Variants in CTR9 observed in about 807,000 individuals in gnomAD.
CTR9 encodes RNA polymerase-associated protein CTR9 homolog.
Under a neutral mutation model 152.1 loss-of-function variants are expected in CTR9, and 41 were observed. The ratio of observed to expected loss-of-function variants is 0.27; its 90% CI spans 0.21 to 0.35. The LOEUF is 0.35. Ranked by LOEUF, CTR9 falls within the 10% of genes least tolerant of loss-of-function variation. The pLI, the probability that CTR9 is intolerant of heterozygous loss-of-function variation, is 1.00. For missense variants in CTR9, 917 were observed against 1,424.4 expected (o/e 0.64, Z 5.73); for synonymous variants, 476 against 496.2 (o/e 0.96, Z 0.54).
chr11:10,764,054 T>G, intron 9 of CTR9, 58 bp from the exon 10 acceptor site: 1 of 1,559,568 alleles, frequency 6.4e-7, no homozygotes, highest in East Asian at 2.2e-5. Context: ...AGCCCCCACT[T>G]TTTATTTTGA....
In CTR9 at chr11:10,751,403, T is replaced by C. The variant is rs767333729; in HGVS notation, c.-10T>C. 3 of 1,612,792 alleles carry C rather than the reference T, an allele frequency of 1.9e-6. No individual in the cohort carries two copies. Among genetic ancestry groups the C allele is most frequent in the Admixed American group, 1.7e-5 (1 of 60,006 alleles). ...CGGGGCGAGACACTTGCTCGCCTTT[T>C]GACCCCATCATGTCGCGGGGCTCCA... is the stretch of plus-strand genomic sequence containing the variant. On this transcript the variant is annotated 5_prime_UTR_variant, in exon 1 of 25. Coordinates refer to ENST00000361367, the MANE Select transcript of CTR9 (RefSeq NM_014633.5).
intron 12 of CTR9, among the ~76,000 whole-genome samples, chr11:10,765,531 G>A (rs976278984): frequency 2.0e-5 from 3 of 151,952 alleles, no homozygotes; most frequent in Admixed American, 1.3e-4. Flanking sequence ...GCACAATCTC[G>A]GCTCACTGCA....
At chr11:10,765,210 G>T (rs1213788297) in intron 12 of CTR9, among the ~76,000 whole-genome samples, 9 of 152,130 alleles carry the variant, frequency 5.9e-5, no homozygotes, top group African/African-American at 2.2e-4. Flanking sequence ...CTGGCATGGT[G>T]GCTCATGCCT....
chr11:10,763,597 C>T (rs766106638), intron 8 of CTR9, 46 bp from the exon 9 acceptor site: 1 of 1,567,308 alleles, frequency 6.4e-7, no homozygotes, highest in South Asian at 1.2e-5. Flanking sequence ...TTAAGTCTTT[C>T]CAATACTTTT....
intron 5 of CTR9, 55 bp downstream of exon 5, chr11:10,756,893 T>C: frequency 9.1e-7 from 1 of 1,099,978 alleles, no homozygotes; most frequent in Admixed American, 1.9e-5. Flanking sequence ...GCTTAAAGCA[T>C]TGAGGATTTG....
chr11:10,772,135 C>G (rs1300991737), intron 19 of CTR9, among the ~76,000 whole-genome samples: 1 of 152,020 alleles, frequency 6.6e-6, no homozygotes, highest in African/African-American at 2.4e-5. Context: ...GTGGGCGGAT[C>G]AGCTGAGGTC....
rs1863296067 is a variant in CTR9, at chr11:10,779,391, T to G, written c.*286T>G. On this transcript the variant is annotated 3_prime_UTR_variant, in exon 25 of 25. Transcript: ENST00000361367. ...AGATGCTAAATCATTCCTACAAAGG[T>G]TTGACTGAAACTGTGGCAGATGTCT... 3.2e-6 allele frequency: 1 copy of G among 308,348 alleles called. No individual in the cohort carries two copies. The highest frequency in any genetic ancestry group is 6.0e-6 in the Non-Finnish European group (1 of 165,450). 19.1% of individuals were successfully genotyped at this position (308,348 alleles called of 1,614,324 possible). A position where few individuals can be genotyped will look rare whatever the true frequency, so the allele number is the denominator to read the frequency against.
In CTR9 at chr11:10,774,175, G is replaced by T; in HGVS notation, c.2885+6G>T. ...AAGAAGAAAAAGAGGAGAAGGTAAT[G>T]TCATCATTAATGTGCTTTAAGTAAC... On this transcript the variant is annotated splice_donor_region_variant and intron_variant, in intron 22 of 24. Coordinates refer to ENST00000361367, the MANE Select transcript of CTR9 (RefSeq NM_014633.5). The T allele has an allele frequency of 6.2e-7, 1 of 1,605,696 alleles. No individual in the cohort carries two copies. The highest frequency in any genetic ancestry group is 1.1e-5 in the South Asian group (1 of 89,700).
At chr11:10,772,460 G>A in intron 19 of CTR9, 60 bp from the exon 20 acceptor site, 3 of 1,304,122 alleles carry the variant, frequency 2.3e-6, no homozygotes, top group Non-Finnish European at 3.0e-6. Context: ...GAAAATAGAT[G>A]TGCTGAGTTT....
At chr11:10,771,507 CTT>C in intron 18 of CTR9, 36 bp from the exon 19 acceptor site, 1 of 1,414,118 alleles carries the variant, frequency 7.1e-7, no homozygotes, top group Non-Finnish European at 1.0e-6. Context: ...ATTAGAATCT[CTT>C]TTTTTAAAAG....
Position 10,767,674 on chromosome 11 carries a change from GA to G in CTR9, c.1687-129del. ...ATTGCCATGCAAAAAAAAAAAGAAA[GA>G]AAGAAAAGAAAGAAAACCACTGTTG... On this transcript the variant is annotated intron_variant, in intron 13 of 24. Coordinates refer to ENST00000361367, the MANE Select transcript of CTR9 (RefSeq NM_014633.5). This position sits in a 1 kb window ranked among gnomAD's most constrained non-coding sequence, Gnocchi z 4.0. 1.3e-6 allele frequency: 1 copy of G among 770,604 alleles called. No homozygotes were observed. Among genetic ancestry groups the G allele is most frequent in the Non-Finnish European group, 2.1e-6 (1 of 487,332 alleles). The allele number at this position is 770,604 out of a possible 1,614,324, so 47.7% of individuals were successfully genotyped here.
Position 10,775,207 on chromosome 11 carries a change from A to G in CTR9, c.2886A>G (p.Arg962=). ...TCTCTCTTGGTGTTCACTATTTAAG[A>G]CATCCAAAGGGAGAAGAAGGATCTG... ...GGERKKKKRR[R]HPKGEEGSDD... Residue 962 remains arginine, a splice_region_variant and synonymous_variant, in exon 23 of 25, where the codon AGA becomes AGG. Coordinates refer to ENST00000361367, the MANE Select transcript of CTR9 (RefSeq NM_014633.5). 1.2e-6 allele frequency: 2 copies of G among 1,612,968 alleles called. No homozygotes were observed. The highest frequency in any genetic ancestry group is 1.7e-6 in the Non-Finnish European group (2 of 1,179,136).
rs114586894 is a variant in CTR9 at position 10,765,674 on chromosome 11, C to T, written c.1598-728C>T. 7.7e-3 allele frequency among the ~76,000 whole-genome samples: 1,168 copies of T among 152,280 alleles called. 17 individuals are homozygous for T. The highest frequency in any genetic ancestry group is 0.027 in the African/African-American group (1,115 of 41,556). ...GTGGGGTTTTGCTACGTTGGTCAGA[C>T]TGGTCTAGAACTCCTGACTTCAGGT... On this transcript the variant is annotated intron_variant, in intron 12 of 24. Transcript: ENST00000361367.
At chr11:10,762,184 T>G in intron 7 of CTR9, 130 bp downstream of exon 7, 1 of 637,272 alleles carries the variant, frequency 1.6e-6, no homozygotes, top group Non-Finnish European at 2.7e-6. Flanking sequence ...TTATAGAGTT[T>G]GTTGTATTAG....
Position 10,766,457 on chromosome 11 carries a change from A to T in CTR9, c.1653A>T (p.Ser551=). Residue 551 remains serine, a synonymous_variant, in exon 13 of 25, where the codon TCA becomes TCT. Transcript: ENST00000361367. ...ARDKGNFYEA[S]DWFKEALQIN... is the part of the protein sequence containing the mutation. ...ATAAGGGAAACTTTTATGAGGCTTC[A>T]GATTGGTTTAAGGAAGCTCTTCAGA... The T allele has an allele frequency of 6.2e-7, 1 of 1,611,026 alleles. No individual in the cohort carries two copies. Among genetic ancestry groups the T allele is most frequent in the Non-Finnish European group, 8.5e-7 (1 of 1,179,274 alleles).
chr11:10,778,017 C>G (rs887998906), intron 24 of CTR9, among the ~76,000 whole-genome samples: 14 of 152,158 alleles, frequency 9.2e-5, no homozygotes, highest in Admixed American at 3.9e-4. Flanking sequence ...CATGACTTCC[C>G]CTTTCCTTTC....
Position 10,779,084 on chromosome 11 carries a change from T to C in CTR9, c.3501T>C (p.His1167=), listed in dbSNP as rs764505093. The change falls in exon 25 of 25, where the codon CAT becomes CAC. Residue 1167 remains histidine (H), a synonymous_variant. Transcript: ENST00000361367. ...NNEASDRGSE[H]GSDDSD is the part of the protein sequence containing the mutation. ...AGGCCTCAGATAGAGGCTCAGAACA[T>C]GGGTCAGATGATAGTGACTAGGTTT... is the stretch of plus-strand genomic sequence containing the variant. The C allele has an allele frequency of 6.2e-7, 1 of 1,611,842 alleles. No individual in the cohort carries two copies. Among genetic ancestry groups the C allele is most frequent in the Non-Finnish European group, 8.5e-7 (1 of 1,178,320 alleles).
chr11:10,756,570 A>G (rs563646330), intron 4 of CTR9, among the ~76,000 whole-genome samples, 179 bp from the exon 5 acceptor site: 2 of 152,200 alleles, frequency 1.3e-5, no homozygotes, highest in African/African-American at 2.4e-5. Context: ...AGGAAGTTTT[A>G]TTTTTAGACA....
chr11:10,767,967 T>C lies in CTR9; in HGVS notation c.1848T>C (p.His616=), dbSNP rs1188825044. ...ALGNVWLQTL[H]QPTRDREKEK... ...GCAACGTGTGGCTCCAAACTTTACATCAGCCCACCCGAGATCGAGAAAAGG... is the reference window on the plus strand; with the variant it reads ...GCAACGTGTGGCTCCAAACTTTACACCAGCCCACCCGAGATCGAGAAAAGG... The change falls in exon 14 of 25, where the codon CAT becomes CAC. Residue 616 remains histidine (H), a synonymous_variant. Transcript: ENST00000361367. The surrounding 1 kb of genome is among the most constrained non-coding windows in gnomAD (Gnocchi z 4.0). 1 of 1,613,998 alleles carries C rather than the reference T, an allele frequency of 6.2e-7. No homozygotes were observed. Among genetic ancestry groups the C allele is most frequent in the Admixed American group, 1.7e-5 (1 of 59,990 alleles).
Sources: gnomAD v4.1 joint callset for allele counts (sites outside exome capture counted in the v4.1 genomes callset) on GRCh38, gnomAD v4.1.1 for gene constraint, Gnocchi (gnomAD v3.1) non-coding constraint, MANE v1.5 for transcripts, NCBI Gene and HGNC (gene_info 2026-07-23, HGNC 2026-07-21) for gene names.